Variants in ERBB4 observed in about 807,000 individuals in gnomAD.
The protein encoded by ERBB4 is erb-b2 receptor tyrosine kinase 4, also known as receptor tyrosine-protein kinase erbB-4.
A neutral mutation model predicts 158.0 loss-of-function variants in ERBB4; 42 were observed. The observed-to-expected ratio is 0.27, with a 90% confidence interval of 0.21 to 0.34. ERBB4 has a LOEUF of 0.34. Among genes scored for constraint, ERBB4 ranks in the 10% least tolerant of loss-of-function variants. ERBB4 has a pLI of 1.00. For synonymous variants in ERBB4, 583 were observed against 558.7 expected, an observed-to-expected ratio of 1.04 and a Z score of -0.61; for missense variants, 1,333 against 1,624.1, an observed-to-expected ratio of 0.82 and a Z score of 3.08.
intron 2 of ERBB4, among the ~76,000 whole-genome samples, chr2:212,064,369 A>C (rs1256150276): frequency 6.6e-6 from 1 of 152,066 alleles, no homozygotes; most frequent in East Asian, 1.9e-4. Flanking sequence ...GATGATGAGG[A>C]ACCTAGAAAT....
intron 12 of ERBB4, among the ~76,000 whole-genome samples, chr2:211,695,632 T>C (rs1381944450): frequency 6.6e-6 from 1 of 152,194 alleles, no homozygotes; most frequent in Admixed American, 6.5e-5. Flanking sequence ...ATGTCTAGCC[T>C]CCTGTTAATA....
intron 22 of ERBB4, among the ~76,000 whole-genome samples, chr2:211,426,267 A>C (rs1438828462): frequency 6.6e-6 from 1 of 152,218 alleles, no homozygotes; most frequent in Non-Finnish European, 1.5e-5. Flanking sequence ...AAGCTAAAAC[A>C]AAACATCCTC....
At chr2:212,191,967 T>TTATGTTA (rs1553588875) in intron 1 of ERBB4, among the ~76,000 whole-genome samples, 1 of 108,998 alleles carries the variant, frequency 9.2e-6, no homozygotes, top group African/African-American at 3.8e-5. Flanking sequence ...GTTATATATG[T>TTATGTTA]TATATGTTAT....
intron 20 of ERBB4, among the ~76,000 whole-genome samples, chr2:211,503,754 T>C (rs1337294120): frequency 6.6e-6 from 1 of 151,438 alleles, no homozygotes; most frequent in Non-Finnish European, 1.5e-5. Context: ...AAACATCAGG[T>C]CACCACTCTT....
intron 1 of ERBB4, among the ~76,000 whole-genome samples, chr2:212,240,557 CG>C (rs1286883765): frequency 2.2e-5 from 3 of 136,684 alleles, no homozygotes; most frequent in African/African-American, 5.5e-5. Context: ...CGTTTGAACC[CG>C]GGAGGCGGAG....
intron 1 of ERBB4, among the ~76,000 whole-genome samples, chr2:212,192,204 C>CTTT (rs1688903638): frequency 9.2e-6 from 1 of 108,816 alleles, no homozygotes; most frequent in African/African-American, 3.3e-5. Flanking sequence ...TATATATATT[C>CTTT]TTTTTTATTT....
intron 2 of ERBB4, among the ~76,000 whole-genome samples, chr2:211,966,774 T>A (rs374775238): frequency 6.6e-6 from 1 of 152,114 alleles, no homozygotes; most frequent in African/African-American, 2.4e-5. Flanking sequence ...TTAGAACACA[T>A]TTTACTCAAT....
At chr2:212,015,076 A>AAAAAT (rs2076490932) in intron 2 of ERBB4, among the ~76,000 whole-genome samples, 1 of 25,586 alleles carries the variant, frequency 3.9e-5, no homozygotes, top group African/African-American at 1.4e-4. Flanking sequence ...ATATATATAT[A>AAAAAT]TATATATATA....
chr2:212,339,837 C>T (rs1238021587), intron 1 of ERBB4, among the ~76,000 whole-genome samples: 3 of 151,864 alleles, frequency 2.0e-5, no homozygotes, highest in Middle Eastern at 6.8e-3. Context: ...TATTGTAGTC[C>T]AGAAAATCTG....
intron 20 of ERBB4, among the ~76,000 whole-genome samples, chr2:211,509,125 T>C (rs924301090): frequency 6.1e-5 from 9 of 148,506 alleles, no homozygotes; most frequent in African/African-American, 2.0e-4. Flanking sequence ...TAAGTGGGAG[T>C]TGAACAATGA....
At chr2:212,132,075 A>G (rs1399027352) in intron 1 of ERBB4, among the ~76,000 whole-genome samples, 1 of 152,114 alleles carries the variant, frequency 6.6e-6, no homozygotes, top group Non-Finnish European at 1.5e-5. Context: ...GTATTACTTT[A>G]TGTCATAATA....
rs1333562511 is a variant in ERBB4 at position 211,387,117 on chromosome 2, C to T, written c.3217G>A (p.Ala1073Thr). The T allele has an allele frequency of 1.9e-6, 3 of 1,613,936 alleles. No homozygotes were observed. The highest frequency in any genetic ancestry group is 1.1e-5 in the South Asian group (1 of 91,066). Residue 1073 changes from alanine (A) to threonine (T), a missense_variant, in exon 27 of 28, where the codon GCT becomes ACT. Ala to Thr is a moderately conservative substitution (Grantham distance 58). Coordinates refer to ENST00000342788, the MANE Select transcript of ERBB4 (RefSeq NM_005235.3). ...TAGGGCACAGACACTCCTTGTTCAG[C>T]AGCAAAACCTCCATCTCGGTATACA... ...QFVYRDGGFA[A>T]EQGVSVPYRA... is the part of the protein sequence containing the mutation.
intron 1 of ERBB4, among the ~76,000 whole-genome samples, chr2:212,186,464 A>G (rs2125700167): frequency 6.6e-6 from 1 of 152,296 alleles, no homozygotes; most frequent in South Asian, 2.1e-4. Flanking sequence ...GGTAAATACA[A>G]TTAAAACACT....
chr2:212,206,169 A>T (rs1298794342), intron 1 of ERBB4, among the ~76,000 whole-genome samples: 2 of 152,154 alleles, frequency 1.3e-5, no homozygotes, highest in Non-Finnish European at 2.9e-5. Context: ...ACGCATAGCC[A>T]TGAACAGTTA....
chr2:212,316,979 CTA>C (rs2087314734), intron 1 of ERBB4, among the ~76,000 whole-genome samples: 1 of 151,546 alleles, frequency 6.6e-6, no homozygotes, highest in African/African-American at 2.4e-5. Context: ...TTAAAGATAA[CTA>C]GATTAAAATC....
rs781019300 is a variant in ERBB4 at position 212,290,641 on chromosome 2, CATACT to C, written c.83-165743_83-165739del. Among the ~76,000 whole-genome samples the C allele has an allele frequency of 7.2e-5, 11 of 152,026 alleles. No homozygotes were observed. The South Asian group carries it at 8.3e-4, about 11-fold the overall frequency. ...CCAATAATCGCTAAGTCACGTATCA[CATACT>C]ATACTATATTTCTTTTCGTGTGTGT... On this transcript the variant is annotated intron_variant, in intron 1 of 27. Transcript: ENST00000342788.
chr2:212,118,914 C>T (rs1417710326), intron 2 of ERBB4, among the ~76,000 whole-genome samples: 1 of 151,872 alleles, frequency 6.6e-6, no homozygotes, highest in African/African-American at 2.4e-5. Flanking sequence ...ACTATACTTT[C>T]TGACTTTTTC....
intron 25 of ERBB4, among the ~76,000 whole-genome samples, chr2:211,400,626 G>A (rs1301517066): frequency 2.0e-5 from 3 of 151,748 alleles, no homozygotes; most frequent in Non-Finnish European, 2.9e-5. Flanking sequence ...CCAGAGGCTG[G>A]GAATGGTAGT....
At chr2:211,980,088 A>C (rs1199384466) in intron 2 of ERBB4, among the ~76,000 whole-genome samples, 1 of 152,206 alleles carries the variant, frequency 6.6e-6, no homozygotes. Flanking sequence ...ATTTTAAAAC[A>C]TAAGTAAATT....
Sources: allele counts gnomAD v4.1 joint callset (sites outside exome capture counted in the v4.1 genomes callset), GRCh38; gene constraint gnomAD v4.1.1; transcripts MANE v1.5; gene names NCBI Gene and HGNC (gene_info 2026-07-23, HGNC 2026-07-21).